MAMLD1: variants seen among roughly 807,000 people sequenced by gnomAD.
MAMLD1 encodes mastermind like domain containing 1, also known as mastermind-like domain-containing protein 1.
MAMLD1 carries 14 observed loss-of-function variants against 45.0 expected under a neutral mutation model. The observed-to-expected ratio is 0.31, with a 90% CI of 0.21 to 0.49. The LOEUF is 0.49. MAMLD1 is among the 20% of genes least tolerant of loss of function. The probability of loss-of-function intolerance (pLI) is 0.99; values close to 1 mark genes in which losing one functional copy is unlikely to be tolerated. For synonymous variants in MAMLD1, 254 were observed against 247.8 expected, an observed-to-expected ratio of 1.02 and a Z score of -0.24; for missense variants, 543 against 603.6, an observed-to-expected ratio of 0.90 and a Z score of 1.05.
intron 1 of MAMLD1, among the ~76,000 whole-genome samples, chrX:150,375,155 C>T (rs906674321): frequency 1.8e-5 from 2 of 111,394 alleles, no homozygotes; most frequent in Non-Finnish European, 3.8e-5. Context: ...CACGAGGGCT[C>T]ATATATCAAA....
chrX:150,403,876 AAGG>A (rs1367256046), intron 1 of MAMLD1, among the ~76,000 whole-genome samples: 3 of 85,534 alleles, frequency 3.5e-5, no homozygotes, highest in African/African-American at 1.2e-4. Flanking sequence ...AGAAGAAAGA[AAGG>A]AAAGAAAGAA....
chrX:150,498,899 G>A (rs782210369), intron 5 of MAMLD1, among the ~76,000 whole-genome samples: 15 of 112,356 alleles, frequency 1.3e-4, no homozygotes, highest in East Asian at 8.3e-4. Context: ...CTTACATTAC[G>A]TTTTCCTGTT....
chrX:150,460,882 C>T (rs2036015263), intron 2 of MAMLD1, among the ~76,000 whole-genome samples: 1 of 112,021 alleles, frequency 8.9e-6, no homozygotes, highest in Non-Finnish European at 1.9e-5. Context: ...TCATCAGGGC[C>T]CAGTCCAGGG....
At chrX:150,367,027 T>C (rs1182023569) in intron 1 of MAMLD1, among the ~76,000 whole-genome samples, 1 of 89,871 alleles carries the variant, frequency 1.1e-5, no homozygotes, top group Non-Finnish European at 2.1e-5. Context: ...CTCTTCCGGC[T>C]GTGACCATTT....
chrX:150,376,107 A>C (rs143641532), intron 1 of MAMLD1, among the ~76,000 whole-genome samples: 42 of 112,008 alleles, frequency 3.7e-4, no homozygotes, highest in Middle Eastern at 4.6e-3. Context: ...CCATCTGTAC[A>C]ATGAAGGAAT....
chrX:150,512,175 TG>T lies in MAMLD1; in HGVS notation c.*220del. The stretch of plus-strand genomic sequence containing the variant: ...GGCATGGGAGTGATCTCACCAACTC[TG>T]GGGAAGCGGCAAGGAATTTTCACCT... On this transcript the variant is annotated 3_prime_UTR_variant, in exon 8 of 8. Coordinates refer to ENST00000370401, the MANE Select transcript of MAMLD1 (RefSeq NM_005491.5). The T allele has an allele frequency of 8.8e-7, 1 of 1,140,550 alleles. No individual in the cohort carries two copies. The highest frequency in any genetic ancestry group is 1.2e-6 in the Non-Finnish European group (1 of 865,038). 94.0% of individuals were successfully genotyped at this position (1,140,550 alleles called of 1,213,427 possible). A position where few individuals can be genotyped will look rare whatever the true frequency, so the allele number is the denominator to read the frequency against.
At chrX:150,434,147 T>C (rs2035042682) in intron 1 of MAMLD1, among the ~76,000 whole-genome samples, 1 of 111,935 alleles carries the variant, frequency 8.9e-6, no homozygotes, top group African/African-American at 3.2e-5. Context: ...TTGTATGTTA[T>C]CAGCAATTTA....
rs1252624882 is a variant in MAMLD1 at position 150,460,707 on chromosome X, AGTAC to A, written c.97-2062_97-2059del. 2.7e-5 allele frequency among the ~76,000 whole-genome samples: 3 copies of A among 112,163 alleles called. No homozygotes were observed. The Admixed American group carries it at 2.8e-4, about 11-fold the overall frequency. On this transcript the variant is annotated intron_variant, in intron 2 of 7. Transcript: ENST00000370401. Reference sequence around the variant, plus strand: ...AGAGAGAGCTGTGGCTACCCCATATAGTACGTGACTTCCACACAGCCCAAACTAC... The same window carrying A: ...AGAGAGAGCTGTGGCTACCCCATATAGTGACTTCCACACAGCCCAAACTAC...
chrX:150,512,479 G>A lies in MAMLD1; in HGVS notation c.*520G>A, dbSNP rs1280765482. 1.7e-6 allele frequency: 2 copies of A among 1,156,175 alleles called. No homozygotes were observed. Among genetic ancestry groups the A allele is most frequent in the East Asian group, 6.5e-5 (2 of 30,767 alleles). The stretch of plus-strand genomic sequence containing the variant: ...CGGGGAAAACACCCCTCAGCCAAGT[G>A]GATAATAGCGTTCAGCAGCACTCAC... On this transcript the variant is annotated 3_prime_UTR_variant, in exon 8 of 8. Transcript: ENST00000370401.
intron 1 of MAMLD1, among the ~76,000 whole-genome samples, chrX:150,371,114 T>G (rs2031952514): frequency 9.0e-6 from 1 of 111,211 alleles, no homozygotes; most frequent in Non-Finnish European, 1.9e-5. Flanking sequence ...CCTGCCCGGC[T>G]GCCCTCTGAC....
chrX:150,504,374 G>T, intron 6 of MAMLD1: 1 of 753,697 alleles, frequency 1.3e-6, no homozygotes, highest in Non-Finnish European at 1.6e-6. Flanking sequence ...AGCTGAAAGG[G>T]CCTCCCAGGA....
At chrX:150,421,161 G>A in intron 1 of MAMLD1, 2 of 116,439 alleles carry the variant, frequency 1.7e-5, no homozygotes, top group Non-Finnish European at 1.8e-5. Flanking sequence ...TAAGCCCGTG[G>A]GAAAAGCACA....
At chrX:150,488,794 C>T (rs782640182) in intron 5 of MAMLD1, among the ~76,000 whole-genome samples, 2 of 113,105 alleles carry the variant, frequency 1.8e-5, no homozygotes, top group South Asian at 7.1e-4. Flanking sequence ...TCCTTTGAAA[C>T]AGACCCATAT....
rs781804072 is a variant in MAMLD1, at chrX:150,494,160, C to G, written c.2041-9114C>G. Among the ~76,000 whole-genome samples, 12 of 111,359 alleles carry G rather than the reference C, an allele frequency of 1.1e-4. No individual in the cohort carries two copies. The Admixed American group carries it at 1.1e-3, about 11-fold the overall frequency. ...CCTGTAATCCCAGCACTTTGGGAGG[C>G]CAAGGAGGGCGGATCACGAGATCAG... On this transcript the variant is annotated intron_variant, in intron 5 of 7. Transcript: ENST00000370401.
chrX:150,399,126 G>T (rs2033644283), intron 1 of MAMLD1, among the ~76,000 whole-genome samples: 1 of 112,004 alleles, frequency 8.9e-6, no homozygotes, highest in Non-Finnish European at 1.9e-5. Context: ...ACAGTATGGA[G>T]GACAAATGGG....
intron 5 of MAMLD1, among the ~76,000 whole-genome samples, chrX:150,477,725 C>A (rs1283944726): frequency 9.0e-6 from 1 of 111,542 alleles, no homozygotes. Context: ...AACCACAGGA[C>A]GACTTTAGGT....
In MAMLD1 at chrX:150,458,013, G is replaced by A. The variant is rs1447828039; in HGVS notation, c.97-4759G>A. Among the ~76,000 whole-genome samples the A allele has an allele frequency of 2.7e-5, 3 of 111,610 alleles. No homozygotes were observed. The East Asian group carries it at 8.4e-4, about 31-fold the overall frequency. ...TCTTTGGACTGACTCCTTATCCCAT[G>A]TTCCCTCCAAGTTTCAGCTGCTCTG... On this transcript the variant is annotated intron_variant, in intron 2 of 7. Transcript: ENST00000370401.
chrX:150,370,843 A>G (rs1259399114), intron 1 of MAMLD1, among the ~76,000 whole-genome samples: 1 of 112,130 alleles, frequency 8.9e-6, no homozygotes, highest in Admixed American at 9.4e-5. Context: ...GGGGGAGGGA[A>G]TAGCAAGGGG....
intron 1 of MAMLD1, among the ~76,000 whole-genome samples, chrX:150,393,505 T>C (rs782772802): frequency 2.7e-5 from 3 of 112,337 alleles, no homozygotes; most frequent in Non-Finnish European, 5.6e-5. Context: ...ATGTTTCGTT[T>C]TGTAAGAATG....
Sources: allele counts gnomAD v4.1 joint callset (sites outside exome capture counted in the v4.1 genomes callset), GRCh38; gene constraint gnomAD v4.1.1; transcripts MANE v1.5; gene names NCBI Gene and HGNC (gene_info 2026-07-23, HGNC 2026-07-21).